IGSF3: variants seen among roughly 807,000 people sequenced by gnomAD.
IGSF3 encodes immunoglobulin superfamily member 3, also known as glu-Trp-Ile EWI motif-containing protein 3.
Under a neutral mutation model 114.4 loss-of-function variants are expected in IGSF3, and 23 were observed. That is an observed-to-expected ratio of 0.20 (90% CI 0.14 to 0.28). IGSF3 has a LOEUF of 0.28. Among genes scored for constraint, IGSF3 ranks in the 10% least tolerant of loss-of-function variants. IGSF3 has a pLI of 1.00. For synonymous variants in IGSF3, 571 were observed against 645.2 expected (o/e 0.88, Z 1.74); for missense variants, 1,172 against 1,591.5 (o/e 0.74, Z 4.48).
In IGSF3 at chr1:116,614,413, T is replaced by C. The variant is rs1661141013; in HGVS notation, c.422-238A>G. Among the ~76,000 whole-genome samples the C allele has an allele frequency of 6.6e-6, 1 of 152,222 alleles. No homozygotes were observed. The highest frequency in any genetic ancestry group is 6.5e-5 in the Admixed American group (1 of 15,286). On this transcript the variant is annotated intron_variant, in intron 3 of 10. Coordinates refer to ENST00000369486, the MANE Select transcript of IGSF3 (RefSeq NM_001007237.3). The surrounding 1 kb of genome is among the most constrained non-coding windows in gnomAD (Gnocchi z 4.5). ...TACCTGTCTGGTATTTTAATAACAC[T>C]TGGATAAAACATGGGGTGTATTTCA...
rs1648893885 is a variant in IGSF3, at chr1:116,657,181, A to G, written c.43+9103T>C. ...GTCTTTTTAAAAAGGAATAGATTGTATCTGGCTGGGATAGGGTAGGTGTGA... is the reference window on the plus strand; with the variant it reads ...GTCTTTTTAAAAAGGAATAGATTGTGTCTGGCTGGGATAGGGTAGGTGTGA... On this transcript the variant is annotated intron_variant, in intron 2 of 10. Transcript: ENST00000369486. This position sits in a 1 kb window ranked among gnomAD's most constrained non-coding sequence, Gnocchi z 4.2. Among the ~76,000 whole-genome samples, 1 of 152,358 alleles carries G rather than the reference A, an allele frequency of 6.6e-6. No homozygotes were observed. The highest frequency in any genetic ancestry group is 1.9e-4 in the East Asian group (1 of 5,190).
intron 7 of IGSF3, among the ~76,000 whole-genome samples, chr1:116,597,043 T>C (rs2101408471): frequency 6.6e-6 from 1 of 152,352 alleles, no homozygotes. Flanking sequence ...AAGAATAATC[T>C]CTGATTACAT....
At chr1:116,639,727 C>T (rs1333486779) in intron 2 of IGSF3, among the ~76,000 whole-genome samples, 1 of 152,094 alleles carries the variant, frequency 6.6e-6, no homozygotes, top group African/African-American at 2.4e-5. Flanking sequence ...TCTAGGAATC[C>T]ATTAAGTTAA....
At chr1:116,620,887 C>G (rs1421912178) in intron 2 of IGSF3, among the ~76,000 whole-genome samples, 2 of 152,180 alleles carry the variant, frequency 1.3e-5, no homozygotes, top group African/African-American at 4.8e-5. Flanking sequence ...ACCACCAGCA[C>G]ACACCACCAT....
intron 8 of IGSF3, among the ~76,000 whole-genome samples, chr1:116,586,798 C>A (rs1397274780): frequency 1.3e-5 from 2 of 151,944 alleles, no homozygotes; most frequent in Non-Finnish European, 2.9e-5. Context: ...AGAAAATAAT[C>A]AGAACTGAAA....
At chr1:116,658,077 T>C (rs1489600277) in intron 2 of IGSF3, among the ~76,000 whole-genome samples, 1 of 152,136 alleles carries the variant, frequency 6.6e-6, no homozygotes. Context: ...TGTTTGCTTT[T>C]GTTGCCCTGG....
rs2101477961 is a variant in IGSF3, at chr1:116,610,233, C to T, written c.833-1902G>A. Among the ~76,000 whole-genome samples, 1 of 152,338 alleles carries T rather than the reference C, an allele frequency of 6.6e-6. No homozygotes were observed. Among genetic ancestry groups the T allele is most frequent in the East Asian group, 1.9e-4 (1 of 5,182 alleles). ...ACCCAACATCAATGACAGAAAAGCA[C>T]TCCTTCCACATAAACACCACTGGAG... On this transcript the variant is annotated intron_variant, in intron 4 of 10. Transcript: ENST00000369486. The surrounding 1 kb of genome is among the most constrained non-coding windows in gnomAD (Gnocchi z 4.3).
In IGSF3 at chr1:116,603,238, G is replaced by A. The variant is rs1660665882; in HGVS notation, c.1624+386C>T. 6.6e-6 allele frequency among the ~76,000 whole-genome samples: 1 copy of A among 152,212 alleles called. No individual in the cohort carries two copies. Among genetic ancestry groups the A allele is most frequent in the South Asian group, 2.1e-4 (1 of 4,836 alleles). On this transcript the variant is annotated intron_variant, in intron 6 of 10. Coordinates refer to ENST00000369486, the MANE Select transcript of IGSF3 (RefSeq NM_001007237.3). The surrounding 1 kb of genome is among the most constrained non-coding windows in gnomAD (Gnocchi z 7.1). ...ATGCCACACAGTGCTCAGCCACTCT[G>A]CTCTCTTTAAGGCCAGGCTGGCAGT...
chr1:116,634,017 A>G lies in IGSF3; in HGVS notation c.44-17560T>C, dbSNP rs971722520. On this transcript the variant is annotated intron_variant, in intron 2 of 10. Coordinates refer to ENST00000369486, the MANE Select transcript of IGSF3 (RefSeq NM_001007237.3). This position sits in a 1 kb window ranked among gnomAD's most constrained non-coding sequence, Gnocchi z 4.2. ...GAGCAAATCAGCCCTGCTAATGTGT[A>G]CAGTCAGCATCAAAGAGGTAACAAT... Among the ~76,000 whole-genome samples, 31 of 152,258 alleles carry G rather than the reference A, an allele frequency of 2.0e-4. No homozygotes were observed. The highest frequency in any genetic ancestry group is 4.0e-4 in the Non-Finnish European group (27 of 68,050).
chr1:116,639,863 G>T (rs1278966538), intron 2 of IGSF3, among the ~76,000 whole-genome samples: 1 of 151,866 alleles, frequency 6.6e-6, no homozygotes. Context: ...GTGAAACCCC[G>T]TCTCTACTGA....
At chr1:116,586,659 G>A (rs559601261) in intron 8 of IGSF3, among the ~76,000 whole-genome samples, 8 of 152,128 alleles carry the variant, frequency 5.3e-5, no homozygotes, top group African/African-American at 1.9e-4. Flanking sequence ...TCTCAGAGAG[G>A]GAAATCCCCT....
chr1:116,636,461 T>A lies in IGSF3; in HGVS notation c.44-20004A>T, dbSNP rs1417412306. Among the ~76,000 whole-genome samples, 4 of 152,180 alleles carry A rather than the reference T, an allele frequency of 2.6e-5. No individual in the cohort carries two copies. Among genetic ancestry groups the A allele is most frequent in the African/African-American group, 9.7e-5 (4 of 41,440 alleles). On this transcript the variant is annotated intron_variant, in intron 2 of 10. Coordinates refer to ENST00000369486, the MANE Select transcript of IGSF3 (RefSeq NM_001007237.3). This position sits in a 1 kb window ranked among gnomAD's most constrained non-coding sequence, Gnocchi z 4.5. ...GAAGTAGACAATGATGTTCTTAGCA[T>A]CCAGTCTTAAAACTAGAAAAAGTAT...
rs1660195058 is a variant in IGSF3 at position 116,593,240 on chromosome 1, G to A, written c.2030-4136C>T. On this transcript the variant is annotated intron_variant, in intron 7 of 10. Transcript: ENST00000369486. The surrounding 1 kb of genome is among the most constrained non-coding windows in gnomAD (Gnocchi z 4.5). Reference sequence around the variant, plus strand: ...AAGGCTCAGCAACCTGCAGTCTCATGAGCCCTCCAATTGATTCTGATGCAC... The same window carrying A: ...AAGGCTCAGCAACCTGCAGTCTCATAAGCCCTCCAATTGATTCTGATGCAC... Among the ~76,000 whole-genome samples the A allele has an allele frequency of 6.6e-6, 1 of 152,216 alleles. No individual in the cohort carries two copies. The highest frequency in any genetic ancestry group is 2.1e-4 in the South Asian group (1 of 4,832).
chr1:116,597,538 A>T (rs1306522067), intron 7 of IGSF3, among the ~76,000 whole-genome samples: 1 of 152,198 alleles, frequency 6.6e-6, no homozygotes, highest in African/African-American at 2.4e-5. Context: ...GGGCCATAAA[A>T]GTATATTACT....
At chr1:116,626,879 GC>G (rs1647311297) in intron 2 of IGSF3, among the ~76,000 whole-genome samples, 1 of 152,156 alleles carries the variant, frequency 6.6e-6, no homozygotes, top group South Asian at 2.1e-4. Flanking sequence ...GAGCCCTGCA[GC>G]CTGCCCTAGG....
Position 116,585,128 on chromosome 1 carries a change from GAATGGATGCCTTCCA to G in IGSF3, c.2441-91_2441-77del. 8.8e-7 allele frequency: 1 copy of G among 1,137,998 alleles called. No homozygotes were observed. Among genetic ancestry groups the G allele is most frequent in the Admixed American group, 2.4e-5 (1 of 41,322 alleles). The allele number at this position is 1,137,998 out of a possible 1,614,324, so 70.5% of individuals were successfully genotyped here. On this transcript the variant is annotated intron_variant, in intron 8 of 10. Transcript: ENST00000369486. The surrounding 1 kb of genome is among the most constrained non-coding windows in gnomAD (Gnocchi z 4.9). Reference sequence around the variant, plus strand: ...GTACGCACCCTTTCCCAGGGTAGGTGAATGGATGCCTTCCAAATACAGAAGGACGGCAGCACACAC... The same window carrying G: ...GTACGCACCCTTTCCCAGGGTAGGTGAATACAGAAGGACGGCAGCACACAC...
rs534639110 is a variant in IGSF3 at position 116,615,651 on chromosome 1, C to T, written c.421+429G>A. 6.6e-6 allele frequency among the ~76,000 whole-genome samples: 1 copy of T among 152,252 alleles called. No homozygotes were observed. The highest frequency in any genetic ancestry group is 2.1e-4 in the South Asian group (1 of 4,826). On this transcript the variant is annotated intron_variant, in intron 3 of 10. Coordinates refer to ENST00000369486, the MANE Select transcript of IGSF3 (RefSeq NM_001007237.3). This position sits in a 1 kb window ranked among gnomAD's most constrained non-coding sequence, Gnocchi z 4.3. ...TGTACAAGGTCTGAGCAAGGACCCA[C>T]AGCCACATGTGCTTCCTGCTTCAGC...
rs1023033268 is a variant in IGSF3 at position 116,661,191 on chromosome 1, G to A, written c.43+5093C>T. ...GCCTGTAATCCCAGCTACTCGGGAG[G>A]CTGAGGCAGGAGAATCGCGTGAACC... On this transcript the variant is annotated intron_variant, in intron 2 of 10. Transcript: ENST00000369486. This position sits in a 1 kb window ranked among gnomAD's most constrained non-coding sequence, Gnocchi z 4.0. Among the ~76,000 whole-genome samples the A allele has an allele frequency of 6.6e-6, 1 of 152,198 alleles. No homozygotes were observed. Among genetic ancestry groups the A allele is most frequent in the Non-Finnish European group, 1.5e-5 (1 of 68,028 alleles).
At position 116,630,732 on chromosome 1, in the gene IGSF3, T is replaced by C. The variant is rs570255249; in HGVS notation, c.44-14275A>G. Among the ~76,000 whole-genome samples, 23 of 152,178 alleles carry C rather than the reference T, an allele frequency of 1.5e-4. 1 individual carries two copies. Among genetic ancestry groups the C allele is most frequent in the Non-Finnish European group, 2.9e-4 (20 of 68,020 alleles). On this transcript the variant is annotated intron_variant, in intron 2 of 10. Transcript: ENST00000369486. ...TGGCACTGTGAAAGATGCACTGAGC[T>C]AGGTGTTCCATGGGCGTCAGGAAAG...
Sources: gnomAD v4.1 joint callset for allele counts (sites outside exome capture counted in the v4.1 genomes callset) on GRCh38, gnomAD v4.1.1 for gene constraint, Gnocchi (gnomAD v3.1) non-coding constraint, MANE v1.5 for transcripts, NCBI Gene and HGNC (gene_info 2026-07-23, HGNC 2026-07-21) for gene names.